CWF19L1: variants seen among roughly 807,000 people sequenced by gnomAD.
CWF19L1 encodes the protein CWF19-like protein 1.
In CWF19L1, 60 loss-of-function variants were observed where a neutral mutation model predicts 69.7. The observed-to-expected ratio is 0.86, with a 90% confidence interval of 0.70 to 1.07. CWF19L1 has a LOEUF of 1.07. CWF19L1 is among the 50% of genes least tolerant of loss of function. The pLI, the probability that CWF19L1 is intolerant of heterozygous loss-of-function variation, is 0.00. For missense variants in CWF19L1, 591 were observed against 638.9 expected (o/e 0.92, Z 0.81); for synonymous variants, 209 against 222.2 (o/e 0.94, Z 0.53).
At chr10:100,262,484 C>T in intron 1 of CWF19L1, 1 of 985,178 alleles carries the variant, frequency 1.0e-6, no homozygotes, top group Non-Finnish European at 1.2e-6. Flanking sequence ...TACAGGGCTT[C>T]AGTCATTCAT....
rs1245154842 is a variant in CWF19L1 at position 100,232,410 on chromosome 10, C to T, written c.*817G>A. The T allele has an allele frequency of 6.6e-6, 1 of 152,240 alleles. No individual in the cohort carries two copies. The highest frequency in any genetic ancestry group is 2.4e-5 in the African/African-American group (1 of 41,438). The allele number at this position is 152,240 out of a possible 1,614,324, so 9.4% of individuals were successfully genotyped here. ...ACAGACATAGGAGCTGGATGACAGA[C>T]ATACTTTTATTCTTTTATTTTTGAG... is the stretch of plus-strand genomic sequence containing the variant. On this transcript the variant is annotated 3_prime_UTR_variant, in exon 14 of 14. Transcript: ENST00000354105.
intron 3 of CWF19L1, 146 bp downstream of exon 3, chr10:100,260,820 A>T: frequency 1.7e-6 from 1 of 602,158 alleles, no homozygotes; most frequent in Non-Finnish European, 2.9e-6. Flanking sequence ...ACTGCGCCGG[A>T]TAGTCTTAAT....
intron 8 of CWF19L1, 102 bp downstream of exon 8, chr10:100,246,693 A>T (rs559137308): frequency 1.7e-6 from 2 of 1,155,596 alleles, no homozygotes; most frequent in Non-Finnish European, 2.4e-6. Context: ...TCCCAAGGGG[A>T]AAAAAAAGAT....
intron 5 of CWF19L1, among the ~76,000 whole-genome samples, chr10:100,255,762 C>CAAAAA (rs11428759): frequency 8.5e-6 from 1 of 118,110 alleles, no homozygotes; most frequent in Non-Finnish European, 1.7e-5. Flanking sequence ...AACTCCATCT[C>CAAAAA]AAAAAAAAAA....
At chr10:100,258,905 TAAAAA>T (rs11369357) in intron 4 of CWF19L1, among the ~76,000 whole-genome samples, 1 of 121,484 alleles carries the variant, frequency 8.2e-6, no homozygotes, top group South Asian at 2.7e-4. Context: ...TAAATTCAAC[TAAAAA>T]AAAAAAAAAA....
Position 100,267,130 on chromosome 10 carries a change from C to A in CWF19L1, c.23+441G>T, listed in dbSNP as rs1375571630. On this transcript the variant is annotated intron_variant, in intron 1 of 13. Transcript: ENST00000354105. ...ATGAAGCCCTCTCTTCACCACCACC[C>A]CCACCCCTCCTCCTCGCAAAAAAAA... Among the ~76,000 whole-genome samples the A allele has an allele frequency of 2.8e-5, 4 of 143,412 alleles. 1 individual carries two copies. The highest frequency in any genetic ancestry group is 2.1e-4 in the Admixed American group (3 of 14,344). The allele number at this position is 143,412 out of a possible 152,430, so 94.1% of individuals were successfully genotyped here.
intron 4 of CWF19L1, 64 bp from the exon 5 acceptor site, chr10:100,256,540 G>A: frequency 7.8e-7 from 1 of 1,275,964 alleles, no homozygotes; most frequent in South Asian, 1.2e-5. Flanking sequence ...CATCAATAGG[G>A]GGATGAATCT....
At chr10:100,257,487 A>T (rs562743152) in intron 4 of CWF19L1, among the ~76,000 whole-genome samples, 1 of 151,834 alleles carries the variant, frequency 6.6e-6, no homozygotes, top group South Asian at 2.1e-4. Context: ...TTTAGTAGAG[A>T]TGGGGTTTCA....
chr10:100,249,069 CCT>C (rs1403130902), intron 7 of CWF19L1: 2 of 529,612 alleles, frequency 3.8e-6, no homozygotes, highest in Admixed American at 2.8e-5. Context: ...TCCAGCTGCC[CCT>C]GAGGGGCCAC....
chr10:100,265,552 G>A (rs1261581401), intron 1 of CWF19L1, among the ~76,000 whole-genome samples: 6 of 131,694 alleles, frequency 4.6e-5, no homozygotes, highest in East Asian at 2.1e-4. Flanking sequence ...AGACAGTCTC[G>A]CTCTGTCGCC....
intron 5 of CWF19L1, among the ~76,000 whole-genome samples, chr10:100,255,712 G>C (rs939673016): frequency 6.7e-6 from 1 of 149,234 alleles, no homozygotes; most frequent in Non-Finnish European, 1.5e-5. Context: ...GTGGTGAGCA[G>C]AGATGGCGCC....
intron 1 of CWF19L1, among the ~76,000 whole-genome samples, chr10:100,263,384 T>C (rs1317769568): frequency 6.6e-6 from 1 of 152,214 alleles, no homozygotes; most frequent in African/African-American, 2.4e-5. Flanking sequence ...GTTTAGCACA[T>C]TTCTGAAGCC....
intron 1 of CWF19L1, among the ~76,000 whole-genome samples, chr10:100,263,979 T>A (rs185809288): frequency 8.5e-5 from 13 of 152,334 alleles, no homozygotes; most frequent in African/African-American, 2.9e-4. Context: ...AGAATACAGT[T>A]ACGTGCCACA....
intron 9 of CWF19L1, 130 bp from the exon 10 acceptor site, chr10:100,243,907 G>A: frequency 2.8e-6 from 2 of 714,892 alleles, no homozygotes; most frequent in South Asian, 1.6e-5. Context: ...ACAATGGGCT[G>A]AGCCTGTGCT....
chr10:100,242,349 G>A lies in CWF19L1; in HGVS notation c.1044+1349C>T, dbSNP rs962651891. 5.9e-5 allele frequency among the ~76,000 whole-genome samples: 9 copies of A among 152,312 alleles called. No homozygotes were observed. The South Asian group carries it at 6.2e-4, about 11-fold the overall frequency. On this transcript the variant is annotated intron_variant, in intron 10 of 13. Transcript: ENST00000354105. ...TATCTTTGATGTGATCAGTTAGTGT[G>A]AATCAGCTTCCAGCATTACATAATT...
chr10:100,258,081 A>G, intron 4 of CWF19L1, among the ~76,000 whole-genome samples: 1 of 152,118 alleles, frequency 6.6e-6, no homozygotes, highest in Non-Finnish European at 1.5e-5. Flanking sequence ...CTACTAAAAA[A>G]TACAAAATTA....
intron 10 of CWF19L1, among the ~76,000 whole-genome samples, chr10:100,238,648 C>T (rs949941120): frequency 7.9e-5 from 12 of 151,996 alleles, no homozygotes; most frequent in African/African-American, 2.2e-4. Context: ...TGACCACTTT[C>T]GGCTGGGATA....
chr10:100,237,653 A>T (rs57396787), intron 11 of CWF19L1, among the ~76,000 whole-genome samples: 3 of 150,444 alleles, frequency 2.0e-5, no homozygotes, highest in East Asian at 1.9e-4. Context: ...ACTTTATATA[A>T]TTTTTTTTTT....
chr10:100,266,224 T>C (rs570312421), intron 1 of CWF19L1, among the ~76,000 whole-genome samples: 16 of 150,230 alleles, frequency 1.1e-4, no homozygotes, highest in Non-Finnish European at 2.4e-4. Context: ...AGGGTTTCAA[T>C]CTGTCACCCA....
Sources: gnomAD v4.1 joint callset for allele counts (sites outside exome capture counted in the v4.1 genomes callset) on GRCh38, gnomAD v4.1.1 for gene constraint, MANE v1.5 for transcripts, NCBI Gene and HGNC (gene_info 2026-07-23, HGNC 2026-07-21) for gene names.